Variants in HOOK3 observed in about 807,000 individuals in gnomAD.
HOOK3 encodes protein Hook homolog 3.
A neutral mutation model predicts 116.3 loss-of-function variants in HOOK3; 24 were observed. The ratio of observed to expected loss-of-function variants is 0.21; its 90% CI spans 0.15 to 0.29. The LOEUF is 0.29. Ranked by LOEUF, HOOK3 falls within the 10% of genes least tolerant of loss-of-function variation. The pLI, the probability that HOOK3 is intolerant of heterozygous loss-of-function variation, is 1.00. For missense variants in HOOK3, 632 were observed against 830.2 expected, an observed-to-expected ratio of 0.76 and a Z score of 2.93; for synonymous variants, 275 against 283.0, an observed-to-expected ratio of 0.97 and a Z score of 0.28.
intron 8 of HOOK3, among the ~76,000 whole-genome samples, chr8:42,961,226 G>C (rs1321467248): frequency 3.3e-5 from 5 of 152,114 alleles, no homozygotes; most frequent in Non-Finnish European, 7.3e-5. Context: ...AGATTTGGAG[G>C]GGATAAATAT....
intron 1 of HOOK3, among the ~76,000 whole-genome samples, chr8:42,902,261 T>A (rs1807204815): frequency 6.7e-6 from 1 of 149,452 alleles, no homozygotes; most frequent in Non-Finnish European, 1.5e-5. Context: ...AAATGTGTAT[T>A]CTCTCTCTCT....
chr8:42,994,340 T>C, intron 15 of HOOK3: 1 of 322,846 alleles, frequency 3.1e-6, no homozygotes. Context: ...TTATTTCTTC[T>C]ACTAATTTTG....
At chr8:42,926,339 G>A (rs556421447) in intron 3 of HOOK3, among the ~76,000 whole-genome samples, 24 of 152,308 alleles carry the variant, frequency 1.6e-4, no homozygotes, top group African/African-American at 5.3e-4. Context: ...AGGCTGGAAA[G>A]CAGTGGTGCA....
chr8:43,002,903 A>T (rs889954953), intron 17 of HOOK3, among the ~76,000 whole-genome samples: 1 of 152,234 alleles, frequency 6.6e-6, no homozygotes, highest in African/African-American at 2.4e-5. Context: ...AGATTTTCAA[A>T]TATTTCCTGG....
intron 4 of HOOK3, among the ~76,000 whole-genome samples, chr8:42,938,762 A>G (rs1449553518): frequency 6.6e-6 from 1 of 151,176 alleles, no homozygotes; most frequent in Non-Finnish European, 1.5e-5. Flanking sequence ...TGTTTCTCGC[A>G]GAGGGGGATT....
At chr8:42,933,721 G>A (rs1211254160) in intron 4 of HOOK3, among the ~76,000 whole-genome samples, 2 of 152,174 alleles carry the variant, frequency 1.3e-5, no homozygotes, top group Non-Finnish European at 2.9e-5. Flanking sequence ...AATAATCTTA[G>A]TTCTCTTTAC....
chr8:42,993,830 G>T (rs530134751), intron 15 of HOOK3, among the ~76,000 whole-genome samples: 92 of 151,940 alleles, frequency 6.1e-4, no homozygotes, highest in South Asian at 1.5e-3. Context: ...GAATTTCTCC[G>T]GTATCAGTTG....
chr8:42,910,289 A>G (rs1175648589), intron 2 of HOOK3, among the ~76,000 whole-genome samples: 2 of 152,206 alleles, frequency 1.3e-5, no homozygotes, highest in Non-Finnish European at 2.9e-5. Flanking sequence ...TCATTTACCA[A>G]AGTCTTATGG....
At chr8:42,959,738 A>G (rs1010051357) in intron 8 of HOOK3, among the ~76,000 whole-genome samples, 1 of 151,614 alleles carries the variant, frequency 6.6e-6, no homozygotes, top group African/African-American at 2.4e-5. Context: ...AAAAAAAAAA[A>G]AAAAAATTCA....
intron 1 of HOOK3, among the ~76,000 whole-genome samples, chr8:42,901,556 C>G (rs987527925): frequency 1.3e-5 from 2 of 152,148 alleles, no homozygotes; most frequent in Admixed American, 6.6e-5. Flanking sequence ...TCTTTAGGAT[C>G]TGTTTCACTT....
At chr8:43,015,826 C>T (rs1586636102) in intron 21 of HOOK3, among the ~76,000 whole-genome samples, 1 of 152,004 alleles carries the variant, frequency 6.6e-6, no homozygotes, top group South Asian at 2.1e-4. Context: ...TCAAGCAAGT[C>T]TCTGCCTTAG....
intron 13 of HOOK3, among the ~76,000 whole-genome samples, chr8:42,977,908 A>AT (rs1808858949): frequency 1.3e-5 from 2 of 152,112 alleles, no homozygotes; most frequent in African/African-American, 4.8e-5. Flanking sequence ...ACACTTAACC[A>AT]TTAAAGAAGG....
chr8:42,985,263 A>T (rs896904662), intron 14 of HOOK3, among the ~76,000 whole-genome samples: 1 of 152,212 alleles, frequency 6.6e-6, no homozygotes, highest in Non-Finnish European at 1.5e-5. Context: ...ACAGAGAAGT[A>T]TATTTATAAA....
intron 19 of HOOK3, among the ~76,000 whole-genome samples, chr8:43,012,847 C>T (rs1809638627): frequency 6.6e-6 from 1 of 152,208 alleles, no homozygotes; most frequent in Non-Finnish European, 1.5e-5. Flanking sequence ...AGTGATCCAC[C>T]TGCCTCAGCC....
intron 4 of HOOK3, among the ~76,000 whole-genome samples, chr8:42,940,176 A>G (rs951219503): frequency 3.3e-5 from 5 of 151,738 alleles, no homozygotes; most frequent in Non-Finnish European, 7.4e-5. Flanking sequence ...ACGCCACTGC[A>G]CTCCAGCCCA....
At chr8:43,011,142 G>A (rs1165253046) in intron 19 of HOOK3, among the ~76,000 whole-genome samples, 1 of 152,024 alleles carries the variant, frequency 6.6e-6, no homozygotes, top group East Asian at 1.9e-4. Flanking sequence ...ACAGGCGCCT[G>A]CCACCACACT....
chr8:42,911,170 GGTC>G (rs1462010335), intron 2 of HOOK3, among the ~76,000 whole-genome samples: 1 of 152,230 alleles, frequency 6.6e-6, no homozygotes, highest in Non-Finnish European at 1.5e-5. Flanking sequence ...AGCTGTAAGA[GGTC>G]GGGTGCGGTG....
chr8:42,897,127 GGAA>G lies in HOOK3; in HGVS notation c.-2_1del, dbSNP rs1368298647. On this transcript the variant is annotated 5_prime_UTR_variant, in exon 1 of 22. Transcript: ENST00000307602. ...GGTAGGCGCTGCCTGGCCGCGGCGG[GGAA>G]GATGTTCAGCGTAGAGTCGCTGGAG... 1 of 1,246,228 alleles carries G rather than the reference GGAA, an allele frequency of 8.0e-7. No individual in the cohort carries two copies. The highest frequency in any genetic ancestry group is 1.5e-5 in the African/African-American group (1 of 64,592). The allele number at this position is 1,246,228 out of a possible 1,614,324, so 77.2% of individuals were successfully genotyped here. A position where few individuals can be genotyped will look rare whatever the true frequency, so the allele number is the denominator to read the frequency against.
intron 3 of HOOK3, among the ~76,000 whole-genome samples, 170 bp downstream of exon 3, chr8:42,925,799 CATA>C (rs1807754338): frequency 6.6e-6 from 1 of 152,088 alleles, no homozygotes; most frequent in South Asian, 2.1e-4. Context: ...CTAGGCATAA[CATA>C]ATATGAGTCA....
Sources: gnomAD v4.1 joint callset for allele counts (sites outside exome capture counted in the v4.1 genomes callset) on GRCh38, gnomAD v4.1.1 for gene constraint, MANE v1.5 for transcripts, NCBI Gene and HGNC (gene_info 2026-07-23, HGNC 2026-07-21) for gene names.